POLR2F: variants seen among roughly 807,000 people sequenced by gnomAD.
The protein encoded by POLR2F is DNA-directed RNA polymerases I, II, and III subunit RPABC2.
In POLR2F, 12 loss-of-function variants were observed where a neutral mutation model predicts 22.7. That is an observed-to-expected ratio of 0.53 (90% CI 0.34 to 0.86). The LOEUF (loss-of-function observed/expected upper bound fraction) is 0.86, where lower values mean the gene tolerates loss of function less well. Ranked by LOEUF, POLR2F falls within the 40% of genes least tolerant of loss-of-function variation. POLR2F has a pLI of 0.02. For missense variants in POLR2F, 126 were observed against 171.5 expected (o/e 0.73, Z 1.48); for synonymous variants, 57 against 66.0 (o/e 0.86, Z 0.66).
chr22:38,035,534 G>C (rs1199019855), intron 5 of POLR2F, among the ~76,000 whole-genome samples: 3 of 152,140 alleles, frequency 2.0e-5, no homozygotes, highest in Admixed American at 1.3e-4. Flanking sequence ...GGTCTATCCT[G>C]CTCGTGTCCT....
chr22:37,956,582 A>G (rs533352992), intron 1 of POLR2F, among the ~76,000 whole-genome samples, 191 bp from the exon 2 acceptor site: 1 of 151,788 alleles, frequency 6.6e-6, no homozygotes, highest in Non-Finnish European at 1.5e-5. Context: ...ATGCCCGGCT[A>G]ATTTTTGTAT....
At chr22:38,039,038 C>T (rs2085145464) in intron 5 of POLR2F, among the ~76,000 whole-genome samples, 1 of 152,202 alleles carries the variant, frequency 6.6e-6, no homozygotes, top group African/African-American at 2.4e-5. Flanking sequence ...CGCCAGGCCT[C>T]GTCCCTGCAT....
At chr22:38,025,983 C>T in exon 2 of POLR2F, 1 of 581,980 alleles carries the variant, frequency 1.7e-6, no homozygotes, top group Middle Eastern at 2.9e-4. Flanking sequence ...AGAATGTGCT[C>T]CTCAGAGGGC....
At chr22:37,955,594 T>G (rs927820723) in intron 1 of POLR2F, among the ~76,000 whole-genome samples, 3 of 151,156 alleles carry the variant, frequency 2.0e-5, no homozygotes, top group Admixed American at 2.0e-4. Context: ...ACAGTGATGA[T>G]GAATGAGTAC....
At chr22:38,039,786 G>T (rs1269983532) in intron 5 of POLR2F, among the ~76,000 whole-genome samples, 2 of 152,210 alleles carry the variant, frequency 1.3e-5, no homozygotes, top group Non-Finnish European at 2.9e-5. Flanking sequence ...GGGGCAGGGC[G>T]AGGGCCATTG....
Position 37,986,475 on chromosome 22 carries a change from C to T in POLR2F, c.120+163C>T. 6.9e-7 allele frequency: 1 copy of T among 1,442,898 alleles called. No individual in the cohort carries two copies. Among genetic ancestry groups the T allele is most frequent in the Non-Finnish European group, 9.4e-7 (1 of 1,063,282 alleles). 89.4% of individuals were successfully genotyped at this position (1,442,898 alleles called of 1,614,324 possible). A position where few individuals can be genotyped will look rare whatever the true frequency, so the allele number is the denominator to read the frequency against. The stretch of plus-strand genomic sequence containing the variant: ...TTAGGAGGTGGAATGTGGGGTCCCA[C>T]AGCTGCCCCCTCTCTAACTCCCTGC... On this transcript the variant is annotated intron_variant, in intron 1 of 2. Transcript: ENST00000333418. This position sits in a 1 kb window ranked among gnomAD's most constrained non-coding sequence, Gnocchi z 4.7.
chr22:37,988,659 AAACAAC>A, intron 1 of POLR2F: 2 of 154,396 alleles, frequency 1.3e-5, no homozygotes, highest in Middle Eastern at 1.1e-3. Flanking sequence ...TCATAAAAAC[AAACAAC>A]AACAACAACA....
At chr22:38,036,840 C>A (rs2085120874) in intron 5 of POLR2F, among the ~76,000 whole-genome samples, 1 of 152,074 alleles carries the variant, frequency 6.6e-6, no homozygotes, top group African/African-American at 2.4e-5. Flanking sequence ...CTGGCTGTTC[C>A]TAAACTCAAC....
intron 1 of POLR2F, among the ~76,000 whole-genome samples, chr22:38,002,149 CTT>C (rs976494162): frequency 3.5e-5 from 5 of 141,034 alleles, no homozygotes; most frequent in East Asian, 2.0e-4. Flanking sequence ...CACACCTGGC[CTT>C]TTTTTTTTTT....
Position 38,016,201 on chromosome 22 carries a change from C to T in POLR2F, c.121-9668C>T, listed in dbSNP as rs369104710. Reference sequence around the variant, plus strand: ...CGAATCTGTTTTGCCCTGAAAGGCACAGCTGGGCCAAAGCCTGGGGTCATC... The same window carrying T: ...CGAATCTGTTTTGCCCTGAAAGGCATAGCTGGGCCAAAGCCTGGGGTCATC... On this transcript the variant is annotated intron_variant, in intron 1 of 2. Transcript: ENST00000333418. The surrounding 1 kb of genome is among the most constrained non-coding windows in gnomAD (Gnocchi z 4.4). Among the ~76,000 whole-genome samples the T allele has an allele frequency of 6.6e-6, 1 of 152,226 alleles. No homozygotes were observed. The highest frequency in any genetic ancestry group is 1.5e-5 in the Non-Finnish European group (1 of 68,032).
chr22:38,036,434 A>G (rs1468178698), intron 5 of POLR2F, among the ~76,000 whole-genome samples: 2 of 151,584 alleles, frequency 1.3e-5, no homozygotes, highest in Non-Finnish European at 2.9e-5. Flanking sequence ...TTTCCCCTTC[A>G]GGGGCCTGGA....
Position 38,038,880 on chromosome 22 carries a change from C to G in POLR2F, c.453-2188C>G, listed in dbSNP as rs2085143380. Among the ~76,000 whole-genome samples the G allele has an allele frequency of 1.3e-5, 2 of 151,872 alleles. 1 individual carries two copies. The highest frequency in any genetic ancestry group is 4.1e-4 in the South Asian group (2 of 4,826). On this transcript the variant is annotated intron_variant, in intron 5 of 5. Coordinates refer to the POLR2F transcript ENST00000407936. Reference sequence around the variant, plus strand: ...CAGCGCCTGCACTGGCGGCCGCCATCTTGCGAGCGGCCCTCAGGGCGGCCT... The same window carrying G: ...CAGCGCCTGCACTGGCGGCCGCCATGTTGCGAGCGGCCCTCAGGGCGGCCT...
downstream of POLR2F, chr22:37,972,203 G>T (rs913622241): frequency 2.0e-5 from 26 of 1,277,944 alleles, no homozygotes; most frequent in Admixed American, 4.6e-5. Flanking sequence ...GACCTTTGAT[G>T]ATCTATCCTT....
intron 1 of POLR2F, among the ~76,000 whole-genome samples, chr22:37,993,259 G>A (rs941405488): frequency 6.6e-6 from 1 of 152,162 alleles, no homozygotes; most frequent in African/African-American, 2.4e-5. Context: ...TGTCAAGGTT[G>A]CCCAGCTTAG....
intron 4 of POLR2F, among the ~76,000 whole-genome samples, chr22:37,976,685 C>T (rs1203489454): frequency 6.6e-6 from 1 of 152,198 alleles, no homozygotes; most frequent in East Asian, 1.9e-4. Context: ...TAACTTGCCA[C>T]AGCTGAGATC....
chr22:37,969,389 A>C (rs1350794454), downstream of POLR2F: 11 of 908,826 alleles, frequency 1.2e-5, no homozygotes, highest in Non-Finnish European at 1.4e-5. Flanking sequence ...TTTTTTAACA[A>C]GTGGAGCTCC....
upstream of POLR2F, chr22:37,983,827 C>G: frequency 5.1e-6 from 7 of 1,363,134 alleles, no homozygotes; most frequent in Non-Finnish European, 6.6e-6. The surrounding 1 kb of genome is among the most constrained non-coding windows in gnomAD (Gnocchi z 9.5). Context: ...CCGCCTCCCC[C>G]GGGCCAGCCG....
In POLR2F at chr22:37,997,807, T is replaced by G. The variant is rs1042440274; in HGVS notation, c.120+11495T>G. 6.6e-6 allele frequency among the ~76,000 whole-genome samples: 1 copy of G among 152,132 alleles called. No individual in the cohort carries two copies. The highest frequency in any genetic ancestry group is 2.4e-5 in the African/African-American group (1 of 41,432). On this transcript the variant is annotated intron_variant, in intron 1 of 2. Transcript: ENST00000333418. The surrounding 1 kb of genome is among the most constrained non-coding windows in gnomAD (Gnocchi z 4.4). The stretch of plus-strand genomic sequence containing the variant: ...TGGCTGTCCCAGGGACCTCACCTCC[T>G]GTGAGCCCACAGCTCACCGTCTGTC...
chr22:38,026,334 A>T (rs774184179), exon 3 of POLR2F: 2 of 527,836 alleles, frequency 3.8e-6, no homozygotes, highest in Admixed American at 3.9e-5. Flanking sequence ...AGGCCAGCAG[A>T]CCCAGGACCC....
Sources: allele counts gnomAD v4.1 joint callset (sites outside exome capture counted in the v4.1 genomes callset), GRCh38; gene constraint gnomAD v4.1.1; non-coding constraint Gnocchi (gnomAD v3.1); transcripts MANE v1.5; gene names NCBI Gene and HGNC (gene_info 2026-07-23, HGNC 2026-07-21).